STK39: variants seen among roughly 807,000 people sequenced by gnomAD.
STK39 encodes the protein serine/threonine kinase 39.
Under a neutral mutation model 77.8 loss-of-function variants are expected in STK39, and 20 were observed. The observed-to-expected ratio is 0.26, with a 90% CI of 0.18 to 0.37. The LOEUF is 0.37. STK39 is among the 10% of genes least tolerant of loss of function. The pLI is 1.00. For synonymous variants in STK39, 246 were observed against 234.1 expected, an observed-to-expected ratio of 1.05 and a Z score of -0.47; for missense variants, 479 against 656.5, an observed-to-expected ratio of 0.73 and a Z score of 2.95.
intron 5 of STK39, among the ~76,000 whole-genome samples, chr2:168,149,922 G>A (rs1688236273): frequency 6.6e-6 from 1 of 152,194 alleles, no homozygotes; most frequent in African/African-American, 2.4e-5. Context: ...CACACTTCTA[G>A]GAAAATAGGA....
chr2:168,099,153 T>G (rs76825222), intron 10 of STK39, among the ~76,000 whole-genome samples: 1,661 of 152,316 alleles, frequency 0.011, 27 homozygotes, highest in African/African-American at 0.037. Context: ...AGAGAGCCCA[T>G]GCAAAGGCTG....
At position 168,073,907 on chromosome 2, in the gene STK39, C is replaced by T. The variant is rs145058425; in HGVS notation, c.1242+1075G>A. Among the ~76,000 whole-genome samples the T allele has an allele frequency of 9.7e-3, 1,476 of 152,160 alleles. 20 individuals carry two copies. Among genetic ancestry groups the T allele is most frequent in the African/African-American group, 0.031 (1,281 of 41,494 alleles). ...CGCTGGGATTACAGGAGTGAGCCAC[C>T]GCACCTGGCCAAAGTTTATATTTTA... On this transcript the variant is annotated intron_variant, in intron 12 of 17. Transcript: ENST00000355999.
Position 168,175,736 on chromosome 2 carries a change from G to A in STK39, c.321+6242C>T, listed in dbSNP as rs574880727. ...TCTATTTCCAATCCTGCCCTCATTT[G>A]GACTATACCTGGATAAACATAAACA... On this transcript the variant is annotated intron_variant, in intron 2 of 17. Coordinates refer to ENST00000355999, the MANE Select transcript of STK39 (RefSeq NM_013233.3). Among the ~76,000 whole-genome samples the A allele has an allele frequency of 9.9e-5, 15 of 152,150 alleles. No individual in the cohort carries two copies. In the East Asian group the frequency reaches 2.9e-3, roughly 29 times the overall value.
At chr2:168,148,714 G>A (rs966875615) in intron 5 of STK39, among the ~76,000 whole-genome samples, 6 of 152,146 alleles carry the variant, frequency 3.9e-5, no homozygotes, top group African/African-American at 1.2e-4. Flanking sequence ...AGATAGCAAC[G>A]TGTGTGATGT....
chr2:168,065,519 T>C, intron 12 of STK39, 138 bp from the exon 13 acceptor site: 1 of 857,266 alleles, frequency 1.2e-6, no homozygotes, highest in Middle Eastern at 2.3e-4. Context: ...TGTGGCTCTT[T>C]GACTACCTGT....
At chr2:167,999,488 G>A (rs147303917) in intron 16 of STK39, among the ~76,000 whole-genome samples, 2 of 152,002 alleles carry the variant, frequency 1.3e-5, no homozygotes, top group African/African-American at 4.8e-5. Flanking sequence ...TTGAGATGGA[G>A]TCTCACTCTG....
At chr2:167,960,514 G>C (rs187075958) in intron 17 of STK39, among the ~76,000 whole-genome samples, 3 of 152,204 alleles carry the variant, frequency 2.0e-5, no homozygotes, top group Non-Finnish European at 2.9e-5. Context: ...AGAGATAACA[G>C]TTTGCCTCCC....
intron 5 of STK39, among the ~76,000 whole-genome samples, chr2:168,144,568 C>A (rs752716485): frequency 3.9e-5 from 6 of 151,932 alleles, no homozygotes; most frequent in Non-Finnish European, 7.4e-5. Context: ...AGCCTCCCAA[C>A]GTGCTGGAAT....
intron 10 of STK39, among the ~76,000 whole-genome samples, chr2:168,104,558 G>T (rs1288256600): frequency 6.6e-6 from 1 of 152,078 alleles, no homozygotes; most frequent in East Asian, 1.9e-4. Flanking sequence ...CTTAGGGGTG[G>T]GTAGGATAGA....
chr2:168,174,239 A>C (rs1688899795), intron 2 of STK39, among the ~76,000 whole-genome samples: 1 of 152,194 alleles, frequency 6.6e-6, no homozygotes, highest in Non-Finnish European at 1.5e-5. Flanking sequence ...AAAAGTGTAA[A>C]GTGTCAGGGC....
At chr2:168,244,483 T>C (rs1259918816) in intron 1 of STK39, among the ~76,000 whole-genome samples, 4 of 152,182 alleles carry the variant, frequency 2.6e-5, no homozygotes, top group African/African-American at 9.7e-5. Context: ...TGGAGTCATA[T>C]CATATGACAC....
intron 5 of STK39, among the ~76,000 whole-genome samples, chr2:168,145,513 C>CA (rs1211406719): frequency 1.3e-5 from 2 of 151,920 alleles, no homozygotes; most frequent in Admixed American, 1.3e-4. Context: ...CCAGTTTTCC[C>CA]AAAAAAGCCA....
rs548383752 is a variant in STK39, at chr2:168,179,488, G to T, written c.321+2490C>A. ...TCTAAATATATCAACACACCAAAAG[G>T]TCAAAGATTCAAGGGTAAGGAAACA... On this transcript the variant is annotated intron_variant, in intron 2 of 17. Coordinates refer to ENST00000355999, the MANE Select transcript of STK39 (RefSeq NM_013233.3). Among the ~76,000 whole-genome samples, 4 of 151,620 alleles carry T rather than the reference G, an allele frequency of 2.6e-5. No homozygotes were observed. In the South Asian group the frequency reaches 8.4e-4, roughly 32 times the overall value.
At chr2:168,146,350 A>G (rs1239787684) in intron 5 of STK39, among the ~76,000 whole-genome samples, 5 of 152,228 alleles carry the variant, frequency 3.3e-5, no homozygotes, top group Non-Finnish European at 2.9e-5. Flanking sequence ...AGTATCTGCT[A>G]TTCTCTTTGA....
chr2:168,051,690 C>T (rs368596028), intron 14 of STK39, among the ~76,000 whole-genome samples: 6 of 152,218 alleles, frequency 3.9e-5, no homozygotes, highest in East Asian at 1.9e-4. Context: ...TAGGCTCAAG[C>T]GATCCTCCTG....
intron 16 of STK39, among the ~76,000 whole-genome samples, chr2:167,973,289 G>A (rs1159680006): frequency 6.6e-6 from 1 of 152,200 alleles, no homozygotes; most frequent in Non-Finnish European, 1.5e-5. Flanking sequence ...TTTGCTAAAT[G>A]CTTTAAGGTC....
intron 10 of STK39, among the ~76,000 whole-genome samples, chr2:168,108,106 G>A (rs1328235747): frequency 6.6e-6 from 1 of 152,190 alleles, no homozygotes; most frequent in Non-Finnish European, 1.5e-5. Flanking sequence ...TTTCTAAAAT[G>A]TTTTCTGGGG....
At chr2:168,014,704 T>C (rs1035309329) in intron 15 of STK39, among the ~76,000 whole-genome samples, 1 of 152,226 alleles carries the variant, frequency 6.6e-6, no homozygotes, top group Admixed American at 6.5e-5. Context: ...TAGTAGGCAC[T>C]GAGCAGATAG....
intron 1 of STK39, among the ~76,000 whole-genome samples, chr2:168,188,075 G>A (rs913827576): frequency 3.9e-5 from 6 of 152,188 alleles, no homozygotes; most frequent in Non-Finnish European, 7.4e-5. Context: ...AGTGGGCTCA[G>A]GCTTTCTTTT....
Sources: allele counts gnomAD v4.1 joint callset (sites outside exome capture counted in the v4.1 genomes callset), GRCh38; gene constraint gnomAD v4.1.1; transcripts MANE v1.5; gene names NCBI Gene and HGNC (gene_info 2026-07-23, HGNC 2026-07-21).